The following ROBO1 variants were observed in gnomAD, a reference collection of about 807,000 sequenced individuals.
The protein encoded by ROBO1 is roundabout homolog 1.
Under a neutral mutation model 195.9 loss-of-function variants are expected in ROBO1, and 149 were observed. The observed-to-expected ratio is 0.76, with a 90% CI of 0.67 to 0.87. ROBO1 has a LOEUF of 0.87. Ranked by LOEUF, ROBO1 falls within the 40% of genes least tolerant of loss-of-function variation. The pLI is 0.00. For missense variants in ROBO1, 1,933 were observed against 2,068.3 expected (o/e 0.93, Z 1.27); for synonymous variants, 816 against 733.2 (o/e 1.11, Z -1.82).
intron 2 of ROBO1, among the ~76,000 whole-genome samples, chr3:79,412,696 T>C (rs2037822880): frequency 6.6e-6 from 1 of 152,058 alleles, no homozygotes; most frequent in African/African-American, 2.4e-5. Flanking sequence ...GAGAATACTG[T>C]ATAAAGACAG....
At chr3:79,533,645 A>T (rs1941743011) in intron 2 of ROBO1, among the ~76,000 whole-genome samples, 1 of 152,022 alleles carries the variant, frequency 6.6e-6, no homozygotes, top group African/African-American at 2.4e-5. Context: ...AATAGAGAAC[A>T]CCCTCAGTAT....
intron 2 of ROBO1, among the ~76,000 whole-genome samples, chr3:79,435,460 A>C (rs1398842643): frequency 6.6e-6 from 1 of 152,272 alleles, no homozygotes; most frequent in Middle Eastern, 3.4e-3. Flanking sequence ...TATGCACGTT[A>C]TTCATTTTGA....
At chr3:79,080,426 C>T (rs1344605763) in intron 3 of ROBO1, among the ~76,000 whole-genome samples, 1 of 151,788 alleles carries the variant, frequency 6.6e-6, no homozygotes, top group Non-Finnish European at 1.5e-5. Context: ...TACTAACATA[C>T]ACTATAAAGT....
intron 5 of ROBO1, among the ~76,000 whole-genome samples, chr3:78,733,123 T>G (rs550864731): frequency 1.3e-5 from 2 of 152,168 alleles, no homozygotes; most frequent in African/African-American, 4.8e-5. Flanking sequence ...TGAGGAGATA[T>G]TAGCCTCACC....
At chr3:79,675,965 G>A (rs1429756638) in intron 1 of ROBO1, among the ~76,000 whole-genome samples, 1 of 151,918 alleles carries the variant, frequency 6.6e-6, no homozygotes, top group Non-Finnish European at 1.5e-5. Flanking sequence ...CTGTATTTTG[G>A]GAGGGTCTTT....
chr3:79,605,470 G>A (rs944721956), intron 1 of ROBO1, among the ~76,000 whole-genome samples: 4 of 151,706 alleles, frequency 2.6e-5, no homozygotes, highest in African/African-American at 9.7e-5. Flanking sequence ...CAGTAACCTC[G>A]AATTTAACAT....
At chr3:79,251,624 G>A (rs1057405680) in intron 2 of ROBO1, among the ~76,000 whole-genome samples, 3 of 151,998 alleles carry the variant, frequency 2.0e-5, no homozygotes, top group Non-Finnish European at 2.9e-5. Flanking sequence ...GGTGGCGGAC[G>A]CCTGCAGTCC....
At chr3:79,308,559 A>G (rs2033332579) in intron 2 of ROBO1, among the ~76,000 whole-genome samples, 1 of 152,282 alleles carries the variant, frequency 6.6e-6, no homozygotes, top group Admixed American at 6.5e-5. Context: ...AAGCAAAGTT[A>G]TATTACTCAT....
chr3:79,733,564 T>A (rs1019328163), intron 1 of ROBO1, among the ~76,000 whole-genome samples: 2 of 152,198 alleles, frequency 1.3e-5, no homozygotes, highest in African/African-American at 4.8e-5. Flanking sequence ...GATTTAAATC[T>A]TTAAGTGGAC....
chr3:79,166,923 A>G (rs1400212643), intron 2 of ROBO1, among the ~76,000 whole-genome samples: 3 of 152,172 alleles, frequency 2.0e-5, no homozygotes, highest in Non-Finnish European at 2.9e-5. Flanking sequence ...TAGAGGAATA[A>G]TATTCCAAAG....
At chr3:79,420,084 G>T (rs1380671934) in intron 2 of ROBO1, among the ~76,000 whole-genome samples, 1 of 152,044 alleles carries the variant, frequency 6.6e-6, no homozygotes, top group Non-Finnish European at 1.5e-5. Flanking sequence ...GTGCTACTTT[G>T]TCTCACATAT....
intron 3 of ROBO1, among the ~76,000 whole-genome samples, chr3:79,083,600 A>G (rs945017457): frequency 5.3e-5 from 8 of 152,188 alleles, no homozygotes; most frequent in African/African-American, 1.9e-4. Flanking sequence ...TTTTATTCTT[A>G]ACTGAAATAT....
chr3:79,729,221 A>C lies in ROBO1; in HGVS notation c.-51+38531T>G, dbSNP rs547717017. On this transcript the variant is annotated intron_variant, in intron 1 of 30. Coordinates refer to ENST00000464233, the MANE Select transcript of ROBO1 (RefSeq NM_002941.4). ...AGCCTTTTGCTTTTTCTTTACAACT[A>C]ACTTTGAACAGAGGGTCAGATTGCC... Among the ~76,000 whole-genome samples the C allele has an allele frequency of 1.2e-4, 18 of 152,218 alleles. No homozygotes were observed. The South Asian group carries it at 3.5e-3, about 30-fold the overall frequency.
At chr3:78,788,643 C>T (rs981767634) in intron 4 of ROBO1, among the ~76,000 whole-genome samples, 2 of 151,810 alleles carry the variant, frequency 1.3e-5, no homozygotes, top group Non-Finnish European at 2.9e-5. Flanking sequence ...TCCAAATTAT[C>T]TAATAGTTTA....
intron 3 of ROBO1, among the ~76,000 whole-genome samples, chr3:79,048,259 C>A (rs1427713498): frequency 6.6e-6 from 1 of 152,136 alleles, no homozygotes; most frequent in East Asian, 1.9e-4. Context: ...CATCCCCATC[C>A]CGTGGCAGTC....
intron 1 of ROBO1, among the ~76,000 whole-genome samples, chr3:79,616,152 G>C (rs1026196311): frequency 6.6e-6 from 1 of 152,158 alleles, no homozygotes; most frequent in African/African-American, 2.4e-5. Context: ...CAGAGCATCA[G>C]GTGGTCAGCT....
At chr3:79,416,614 A>AC (rs1208165921) in intron 2 of ROBO1, among the ~76,000 whole-genome samples, 1 of 151,714 alleles carries the variant, frequency 6.6e-6, no homozygotes, top group East Asian at 1.9e-4. Context: ...AAAAAAAAAA[A>AC]AAACCGAAAG....
intron 2 of ROBO1, among the ~76,000 whole-genome samples, chr3:79,136,176 T>C (rs529088006): frequency 1.2e-4 from 19 of 152,318 alleles, no homozygotes; most frequent in Admixed American, 1.1e-3. Flanking sequence ...CAGTATTATA[T>C]TGTGGAAATG....
intron 3 of ROBO1, among the ~76,000 whole-genome samples, chr3:79,016,852 T>C (rs1292235969): frequency 6.6e-6 from 1 of 152,128 alleles, no homozygotes; most frequent in Non-Finnish European, 1.5e-5. Context: ...AGCTGTAAAT[T>C]AAACTAGGCA....
Sources: gnomAD v4.1 joint callset for allele counts (sites outside exome capture counted in the v4.1 genomes callset) on GRCh38, gnomAD v4.1.1 for gene constraint, MANE v1.5 for transcripts, NCBI Gene and HGNC (gene_info 2026-07-23, HGNC 2026-07-21) for gene names.